Variants in SLC4A4 observed in about 807,000 individuals in gnomAD.
SLC4A4 encodes electrogenic sodium bicarbonate cotransporter 1.
A neutral mutation model predicts 111.5 loss-of-function variants in SLC4A4; 27 were observed. That is an observed-to-expected ratio of 0.24 (90% CI 0.18 to 0.33). The LOEUF (loss-of-function observed/expected upper bound fraction) is 0.33, where lower values mean the gene tolerates loss of function less well. Ranked by LOEUF, SLC4A4 falls within the 10% of genes least tolerant of loss-of-function variation. The pLI, the probability that SLC4A4 is intolerant of heterozygous loss-of-function variation, is 1.00. For synonymous variants in SLC4A4, 443 were observed against 463.4 expected (o/e 0.96, Z 0.57); for missense variants, 909 against 1,315.5 (o/e 0.69, Z 4.78).
At chr4:71,528,606 A>ACAGG (rs1733618300) in intron 16 of SLC4A4, among the ~76,000 whole-genome samples, 1 of 152,100 alleles carries the variant, frequency 6.6e-6, no homozygotes, top group Non-Finnish European at 1.5e-5. Flanking sequence ...AACTCTTCTG[A>ACAGG]CAGGAATTTA....
At chr4:71,431,353 T>C (rs1369923410) in intron 7 of SLC4A4, among the ~76,000 whole-genome samples, 5 of 152,034 alleles carry the variant, frequency 3.3e-5, no homozygotes, top group African/African-American at 9.7e-5. Flanking sequence ...CTTAATTAAA[T>C]ATTGGAAGGA....
At chr4:71,441,346 T>C (rs1724694366) in intron 8 of SLC4A4, among the ~76,000 whole-genome samples, 1 of 152,202 alleles carries the variant, frequency 6.6e-6, no homozygotes, top group African/African-American at 2.4e-5. Flanking sequence ...AGTCATCCTC[T>C]TCATCCGCCT....
At chr4:71,332,677 C>A (rs1728109944) in intron 3 of SLC4A4, among the ~76,000 whole-genome samples, 1 of 152,072 alleles carries the variant, frequency 6.6e-6, no homozygotes, top group Admixed American at 6.6e-5. Flanking sequence ...CGTGATCCGC[C>A]CGCCTCGGCC....
intron 3 of SLC4A4, among the ~76,000 whole-genome samples, chr4:71,271,608 A>T (rs140468210): frequency 6.6e-6 from 1 of 152,330 alleles, no homozygotes; most frequent in African/African-American, 2.4e-5. Flanking sequence ...AATCAGTTAC[A>T]TATTTCTTAT....
Position 71,534,405 on chromosome 4 carries a change from A to G in SLC4A4, c.2442+17A>G, listed in dbSNP as rs1292713563. The stretch of plus-strand genomic sequence containing the variant: ...AAACTCAAGGTAAGTGTCCATAATA[A>G]TGTCTGTCATTGCCTTCTACTTTCT... On this transcript the variant is annotated intron_variant, in intron 18 of 25. Transcript: ENST00000264485. 6.2e-7 allele frequency: 1 copy of G among 1,610,700 alleles called. No individual in the cohort carries two copies. Among genetic ancestry groups the G allele is most frequent in the East Asian group, 2.2e-5 (1 of 44,804 alleles).
rs112778427 is a variant in SLC4A4 at position 71,442,674 on chromosome 4, C to T, written c.965+1901C>T. Among the ~76,000 whole-genome samples, 1,354 of 152,238 alleles carry T rather than the reference C, an allele frequency of 8.9e-3. 10 individuals are homozygous for T. The highest frequency in any genetic ancestry group is 0.013 in the Non-Finnish European group (858 of 68,016). ...CTACTCTATCGTACTGAAAGGAAAC[C>T]TGAAAAATCTGTGTTTGTGTGTATC... On this transcript the variant is annotated intron_variant, in intron 8 of 25. Transcript: ENST00000264485.
At chr4:71,128,318 A>G (rs1327660023) in intron 2 of SLC4A4, among the ~76,000 whole-genome samples, 1 of 152,112 alleles carries the variant, frequency 6.6e-6, no homozygotes, top group Non-Finnish European at 1.5e-5. Context: ...AGACCCATTC[A>G]CAATCATGAG....
At chr4:71,127,261 C>A (rs1397938232) in intron 2 of SLC4A4, among the ~76,000 whole-genome samples, 2 of 151,882 alleles carry the variant, frequency 1.3e-5, no homozygotes, top group African/African-American at 4.8e-5. Flanking sequence ...GGGGAGATGC[C>A]CATGCTAGCG....
At chr4:71,335,852 A>G (rs1331252816) in intron 3 of SLC4A4, among the ~76,000 whole-genome samples, 1 of 152,150 alleles carries the variant, frequency 6.6e-6, no homozygotes, top group Non-Finnish European at 1.5e-5. Flanking sequence ...CTAATCACAA[A>G]GTAAAACATA....
At chr4:71,343,936 G>GCGT (rs987491252) in intron 4 of SLC4A4, among the ~76,000 whole-genome samples, 1 of 151,688 alleles carries the variant, frequency 6.6e-6, no homozygotes, top group African/African-American at 2.4e-5. Flanking sequence ...ACAGTTATCT[G>GCGT]CGTGGCCCAT....
chr4:71,162,362 G>T (rs16845171), intron 2 of SLC4A4, among the ~76,000 whole-genome samples: 281 of 152,308 alleles, frequency 1.8e-3, no homozygotes, highest in African/African-American at 5.2e-3. Context: ...TTGTGCTCTT[G>T]CCACAAAGTG....
intron 2 of SLC4A4, among the ~76,000 whole-genome samples, chr4:71,138,093 C>T (rs1469993003): frequency 6.6e-6 from 1 of 152,168 alleles, no homozygotes; most frequent in African/African-American, 2.4e-5. Context: ...AGATAGATTT[C>T]ATGCAATATG....
At chr4:71,242,280 A>G (rs1388655810) in intron 2 of SLC4A4, among the ~76,000 whole-genome samples, 1 of 152,220 alleles carries the variant, frequency 6.6e-6, no homozygotes, top group Non-Finnish European at 1.5e-5. Flanking sequence ...AGTTTTGCCT[A>G]TAGATTGAGC....
intron 1 of SLC4A4, among the ~76,000 whole-genome samples, chr4:71,228,578 C>T (rs1719196385): frequency 6.6e-6 from 1 of 152,158 alleles, no homozygotes; most frequent in South Asian, 2.1e-4. Flanking sequence ...AGCTTACACA[C>T]AAAGTGTGCA....
At chr4:71,285,790 T>C (rs1723870082) in intron 3 of SLC4A4, among the ~76,000 whole-genome samples, 1 of 152,224 alleles carries the variant, frequency 6.6e-6, no homozygotes, top group African/African-American at 2.4e-5. Context: ...TAAAATGTCA[T>C]CTAATCTGTT....
intron 3 of SLC4A4, among the ~76,000 whole-genome samples, chr4:71,274,680 A>G (rs1042531783): frequency 2.6e-5 from 4 of 152,122 alleles, no homozygotes; most frequent in African/African-American, 9.7e-5. Context: ...AACACTCAAG[A>G]GGTGGAGTTC....
At position 71,357,247 on chromosome 4, in the gene SLC4A4, G is replaced by T; in HGVS notation, c.730+60G>T. ...TACTTATTTCACTCACCTTTACACC[G>T]TCTCCTGTCATCTTTGTTTTAACCC... On this transcript the variant is annotated intron_variant, in intron 6 of 25. Coordinates refer to ENST00000264485, the MANE Select transcript of SLC4A4 (RefSeq NM_001098484.3). The T allele has an allele frequency of 2.0e-6, 3 of 1,508,764 alleles. No homozygotes were observed. In the South Asian group the frequency reaches 3.4e-5, roughly 17 times the overall value. The allele number at this position is 1,508,764 out of a possible 1,614,324, so 93.5% of individuals were successfully genotyped here.
intron 16 of SLC4A4, among the ~76,000 whole-genome samples, chr4:71,529,336 A>G (rs1377236476): frequency 6.6e-6 from 1 of 152,058 alleles, no homozygotes; most frequent in Non-Finnish European, 1.5e-5. Flanking sequence ...AAAAAAAATC[A>G]TTGTTTTTCT....
At chr4:71,404,143 G>A (rs983779485) in intron 7 of SLC4A4, among the ~76,000 whole-genome samples, 8 of 152,108 alleles carry the variant, frequency 5.3e-5, no homozygotes, top group Admixed American at 5.2e-4. Context: ...AAGCCACCAA[G>A]AATAGTGAGA....
Sources: gnomAD v4.1 joint callset for allele counts (sites outside exome capture counted in the v4.1 genomes callset) on GRCh38, gnomAD v4.1.1 for gene constraint, MANE v1.5 for transcripts, NCBI Gene and HGNC (gene_info 2026-07-23, HGNC 2026-07-21) for gene names.